GRID2: variants seen among roughly 807,000 people sequenced by gnomAD.
GRID2 encodes glutamate receptor ionotropic, delta-2.
A neutral mutation model predicts 114.8 loss-of-function variants in GRID2; 33 were observed. That is an observed-to-expected ratio of 0.29 (90% CI 0.22 to 0.38). The LOEUF is 0.38. Ranked by LOEUF, GRID2 falls within the 10% of genes least tolerant of loss-of-function variation. GRID2 has a pLI of 1.00. For missense variants in GRID2, 1,184 were observed against 1,257.7 expected (o/e 0.94, Z 0.89); for synonymous variants, 505 against 449.9 (o/e 1.12, Z -1.55).
intron 1 of GRID2, among the ~76,000 whole-genome samples, chr4:92,421,359 G>A (rs1041404990): frequency 1.3e-5 from 2 of 152,012 alleles, no homozygotes; most frequent in African/African-American, 2.4e-5. Context: ...TACAATTGTG[G>A]GAGGAGCTGA....
intron 2 of GRID2, among the ~76,000 whole-genome samples, chr4:92,930,492 A>T (rs1467559404): frequency 6.6e-6 from 1 of 151,112 alleles, no homozygotes; most frequent in African/African-American, 2.4e-5. Flanking sequence ...GATATTTCAA[A>T]TTTAATAAGC....
At position 93,143,628 on chromosome 4, in the gene GRID2, ACTT is replaced by A. The variant is rs1281016701; in HGVS notation, c.735+32679_735+32681del. On this transcript the variant is annotated intron_variant, in intron 4 of 15. Coordinates refer to ENST00000282020, the MANE Select transcript of GRID2 (RefSeq NM_001510.4). ...ATTCCACTTTAGAATAGTATATCTA[ACTT>A]CTTAATTTATAAAAAAATCACATAT... Among the ~76,000 whole-genome samples the A allele has an allele frequency of 1.8e-4, 27 of 152,294 alleles. 2 individuals carry two copies. Among genetic ancestry groups the A allele is most frequent in the Admixed American group, 1.7e-3 (26 of 15,290 alleles).
intron 9 of GRID2, among the ~76,000 whole-genome samples, chr4:93,399,021 C>T (rs1378129040): frequency 6.6e-6 from 1 of 151,952 alleles, no homozygotes; most frequent in Non-Finnish European, 1.5e-5. Flanking sequence ...ACTCTCCCCT[C>T]ACCCCACCCA....
intron 14 of GRID2, among the ~76,000 whole-genome samples, chr4:93,691,427 G>A (rs1344546679): frequency 6.6e-6 from 1 of 152,026 alleles, no homozygotes; most frequent in African/African-American, 2.4e-5. Context: ...TGTATTTTAA[G>A]CATAAAACCA....
intron 10 of GRID2, among the ~76,000 whole-genome samples, chr4:93,425,225 C>T (rs1451691736): frequency 6.6e-6 from 1 of 152,162 alleles, no homozygotes; most frequent in African/African-American, 2.4e-5. Context: ...GTGGTTGATA[C>T]ATTGTTAAGA....
chr4:93,105,027 G>C (rs1193357521), intron 3 of GRID2, among the ~76,000 whole-genome samples: 5 of 151,892 alleles, frequency 3.3e-5, no homozygotes, highest in African/African-American at 1.2e-4. Context: ...GTATCTCATT[G>C]TGGTTTTGAT....
At chr4:93,108,700 G>T (rs1034601225) in intron 3 of GRID2, among the ~76,000 whole-genome samples, 5 of 149,842 alleles carry the variant, frequency 3.3e-5, no homozygotes, top group Admixed American at 1.3e-4. Flanking sequence ...GCATGATCTC[G>T]GTTCACTGCA....
chr4:92,773,090 C>T (rs910192658), intron 2 of GRID2, among the ~76,000 whole-genome samples: 2 of 152,076 alleles, frequency 1.3e-5, no homozygotes, highest in African/African-American at 4.8e-5. Context: ...TGTTAAATAT[C>T]CATTAGATAT....
chr4:92,336,824 A>AT (rs1395090453), intron 1 of GRID2, among the ~76,000 whole-genome samples: 2 of 151,394 alleles, frequency 1.3e-5, no homozygotes, highest in Non-Finnish European at 2.9e-5. Flanking sequence ...AGGACCATTG[A>AT]TTTTTTTGCT....
At chr4:92,717,660 C>T (rs1311818635) in intron 2 of GRID2, among the ~76,000 whole-genome samples, 1 of 152,152 alleles carries the variant, frequency 6.6e-6, no homozygotes, top group East Asian at 1.9e-4. Context: ...CTTAAAGTCA[C>T]AGATGTAACT....
chr4:93,211,088 G>T (rs180931986), intron 5 of GRID2, among the ~76,000 whole-genome samples: 1 of 152,060 alleles, frequency 6.6e-6, no homozygotes, highest in Non-Finnish European at 1.5e-5. Context: ...CTCCTGTATT[G>T]GTTGATAAGA....
intron 8 of GRID2, among the ~76,000 whole-genome samples, chr4:93,261,879 A>G (rs1299566134): frequency 2.6e-5 from 4 of 151,400 alleles, no homozygotes; most frequent in African/African-American, 9.7e-5. Context: ...ATATGTATGT[A>G]TGCATGTTAC....
At chr4:93,405,295 G>T (rs910421156) in intron 9 of GRID2, among the ~76,000 whole-genome samples, 1 of 152,114 alleles carries the variant, frequency 6.6e-6, no homozygotes, top group South Asian at 2.1e-4. Flanking sequence ...TCACTTCAGC[G>T]CTCACTAAAT....
chr4:92,596,825 A>G (rs1017457536), intron 2 of GRID2, among the ~76,000 whole-genome samples: 3 of 152,092 alleles, frequency 2.0e-5, no homozygotes, highest in Non-Finnish European at 2.9e-5. Flanking sequence ...AGTGCTTATT[A>G]AATGCCTAGT....
intron 4 of GRID2, among the ~76,000 whole-genome samples, chr4:93,152,056 G>A (rs1307092628): frequency 6.6e-6 from 1 of 151,996 alleles, no homozygotes; most frequent in Non-Finnish European, 1.5e-5. Context: ...AATCTCCAAA[G>A]TATGAAAGGA....
intron 14 of GRID2, among the ~76,000 whole-genome samples, chr4:93,636,052 C>A (rs1456263011): frequency 6.6e-6 from 1 of 152,162 alleles, no homozygotes; most frequent in African/African-American, 2.4e-5. Context: ...CATCATACAG[C>A]ATTCAGGGAA....
chr4:92,878,673 T>C (rs914624339), intron 2 of GRID2, among the ~76,000 whole-genome samples: 2 of 152,166 alleles, frequency 1.3e-5, no homozygotes, highest in Non-Finnish European at 2.9e-5. Flanking sequence ...ACTTTTTTCT[T>C]TTTATATTCA....
chr4:92,945,724 A>C (rs1751575224), intron 2 of GRID2, among the ~76,000 whole-genome samples: 1 of 152,124 alleles, frequency 6.6e-6, no homozygotes, highest in Non-Finnish European at 1.5e-5. Context: ...GGGAAGTTTA[A>C]ATTGGATGTT....
intron 2 of GRID2, among the ~76,000 whole-genome samples, chr4:92,621,078 C>T (rs1162368368): frequency 6.6e-6 from 1 of 150,432 alleles, no homozygotes; most frequent in African/African-American, 2.4e-5. Flanking sequence ...TTGAGGGGTA[C>T]ATGTGCAAGA....
Sources: allele counts gnomAD v4.1 joint callset (sites outside exome capture counted in the v4.1 genomes callset), GRCh38; gene constraint gnomAD v4.1.1; transcripts MANE v1.5; gene names NCBI Gene and HGNC (gene_info 2026-07-23, HGNC 2026-07-21).